Variants in SLC12A7 observed in about 807,000 individuals in gnomAD.
The protein encoded by SLC12A7 is K-Cl cotransporter 4.
A neutral mutation model predicts 120.6 loss-of-function variants in SLC12A7; 100 were observed. The ratio of observed to expected loss-of-function variants is 0.83; its 90% CI spans 0.71 to 0.98. The LOEUF (loss-of-function observed/expected upper bound fraction) is 0.98. Ranked by LOEUF, SLC12A7 falls within the 50% of genes least tolerant of loss-of-function variation. SLC12A7 has a pLI of 0.00. For synonymous variants in SLC12A7, 760 were observed against 678.0 expected, an observed-to-expected ratio of 1.12 and a Z score of -1.88; for missense variants, 1,373 against 1,548.1, an observed-to-expected ratio of 0.89 and a Z score of 1.90.
chr5:1,083,724 C>T (rs966284227), intron 8 of SLC12A7, 21 bp downstream of exon 8: 19 of 1,609,794 alleles, frequency 1.2e-5, no homozygotes, highest in Non-Finnish European at 1.4e-5. Flanking sequence ...CCAGCTCCAG[C>T]TGCAGCCCTG....
intron 1 of SLC12A7, among the ~76,000 whole-genome samples, chr5:1,107,156 T>A (rs1237266295): frequency 1.3e-5 from 2 of 152,226 alleles, no homozygotes; most frequent in Non-Finnish European, 2.9e-5. Flanking sequence ...CTTCCCCTAA[T>A]ACTCACGCTT....
chr5:1,081,123 C>T (rs1167201827), intron 9 of SLC12A7, among the ~76,000 whole-genome samples: 1 of 149,658 alleles, frequency 6.7e-6, no homozygotes, highest in East Asian at 2.0e-4. Context: ...GAAAGAGTGC[C>T]GGAGGAGAGA....
chr5:1,088,832 A>G (rs1317853874), intron 4 of SLC12A7, 150 bp downstream of exon 4: 3 of 973,198 alleles, frequency 3.1e-6, no homozygotes, highest in Non-Finnish European at 4.6e-6. Flanking sequence ...AACGACGTCT[A>G]CACGGGCGTC....
At chr5:1,141,692 C>G in the SLC12A7 span, among the ~76,000 whole-genome samples, 1 of 152,208 alleles carries the variant, frequency 6.6e-6, no homozygotes. Flanking sequence ...TCAGCCACAG[C>G]AGCTACAGCT....
In SLC12A7 at chr5:1,052,620, GGAGCA is replaced by G. The variant is rs4046186; in HGVS notation, c.3161-174_3161-170del. Among the ~76,000 whole-genome samples, 54,174 of 151,796 alleles carry G rather than the reference GGAGCA, an allele frequency of 0.36. 11,244 individuals are homozygous for G. Among genetic ancestry groups the G allele is most frequent in the East Asian group, 0.48 (2,455 of 5,108 alleles). On this transcript the variant is annotated intron_variant, in intron 23 of 23. Coordinates refer to ENST00000264930, the MANE Select transcript of SLC12A7 (RefSeq NM_006598.3). Reference sequence around the variant, plus strand: ...ATTAGAGAGACCCCCCAGGCGGGGAGGAGCAGGGCAGGGGAGAGAGGGGCCAGTGC... The same window carrying G: ...ATTAGAGAGACCCCCCAGGCGGGGAGGGGCAGGGGAGAGAGGGGCCAGTGC...
chr5:1,064,038 G>A (rs1736638572), intron 19 of SLC12A7, 45 bp downstream of exon 19: 2 of 1,601,536 alleles, frequency 1.2e-6, no homozygotes, highest in African/African-American at 1.3e-5. Flanking sequence ...CGCAGCACGT[G>A]GGGTGGCCGT....
rs1735068299 is a variant in SLC12A7, at chr5:1,051,816, G to T, written c.*544C>A. On this transcript the variant is annotated 3_prime_UTR_variant, in exon 24 of 24. Transcript: ENST00000264930. ...CGAGGGTGACACGGGCATGGACAGA[G>T]TCCTCCAGCTTCAGTGCCTTGAGGT... The T allele has an allele frequency of 6.5e-6, 1 of 153,714 alleles. No homozygotes were observed. The highest frequency in any genetic ancestry group is 2.0e-4 in the South Asian group (1 of 4,890). The allele number at this position is 153,714 out of a possible 1,614,324, so 9.5% of individuals were successfully genotyped here.
intron 4 of SLC12A7, among the ~76,000 whole-genome samples, chr5:1,088,683 C>G (rs936402483): frequency 3.3e-5 from 5 of 152,258 alleles, no homozygotes; most frequent in Non-Finnish European, 1.5e-5. Context: ...CCCATGACAC[C>G]CACCACTGGC....
chr5:1,058,184 T>C (rs1414786402), intron 21 of SLC12A7, among the ~76,000 whole-genome samples: 1 of 152,214 alleles, frequency 6.6e-6, no homozygotes, highest in Non-Finnish European at 1.5e-5. Flanking sequence ...GCCGGCCCCC[T>C]GTGCGTCACT....
At chr5:1,121,782 C>T in the SLC12A7 span, among the ~76,000 whole-genome samples, 17 of 152,288 alleles carry the variant, frequency 1.1e-4, no homozygotes, top group African/African-American at 1.7e-4. Context: ...GGGTCAGCCC[C>T]GGAGCCGCGC....
intron 17 of SLC12A7, among the ~76,000 whole-genome samples, chr5:1,066,497 C>T (rs767131339): frequency 6.6e-6 from 1 of 152,122 alleles, no homozygotes; most frequent in Non-Finnish European, 1.5e-5. Flanking sequence ...ATTTTAGGGC[C>T]GAGAGCTCAA....
rs952145911 is a variant in SLC12A7, at chr5:1,093,056, C to T, written c.342+477G>A. Among the ~76,000 whole-genome samples, 4 of 152,256 alleles carry T rather than the reference C, an allele frequency of 2.6e-5. No individual in the cohort carries two copies. In the East Asian group the frequency reaches 5.8e-4, roughly 22 times the overall value. On this transcript the variant is annotated intron_variant, in intron 3 of 23. Coordinates refer to ENST00000264930, the MANE Select transcript of SLC12A7 (RefSeq NM_006598.3). ...ACTGCACCCCCCTCGTTTCCTAGGACGGATTCCTGGAAACAAATCCTCAGG... is the reference window on the plus strand; with the variant it reads ...ACTGCACCCCCCTCGTTTCCTAGGATGGATTCCTGGAAACAAATCCTCAGG...
chr5:1,080,983 TACAGAGAGAGAG>T lies in SLC12A7; in HGVS notation c.1297+582_1297+593del, dbSNP rs200762451. ...TAAGCAGGGGCAGGAAGGAACACAC[TACAGAGAGAGAG>T]ACAGAGAGAGAGACAGACAGACAGA... On this transcript the variant is annotated intron_variant, in intron 9 of 23. Transcript: ENST00000264930. Among the ~76,000 whole-genome samples the T allele has an allele frequency of 3.9e-3, 499 of 127,184 alleles. 2 individuals carry two copies. The highest frequency in any genetic ancestry group is 0.03 in the South Asian group (122 of 4,078). The allele number at this position is 127,184 out of a possible 152,430, so 83.4% of individuals were successfully genotyped here. A position where few individuals can be genotyped will look rare whatever the true frequency, so the allele number is the denominator to read the frequency against.
chr5:1,104,929 G>A (rs538750622), intron 1 of SLC12A7, among the ~76,000 whole-genome samples: 190 of 151,462 alleles, frequency 1.3e-3, no homozygotes, highest in Non-Finnish European at 2.0e-3. Flanking sequence ...GCCCCTCCCC[G>A]CAGGGGTGAG....
At chr5:1,105,693 C>G (rs561090629) in intron 1 of SLC12A7, among the ~76,000 whole-genome samples, 77 of 152,350 alleles carry the variant, frequency 5.1e-4, no homozygotes, top group African/African-American at 1.8e-3. Context: ...AGGTATTAAC[C>G]CTTTGTGCTC....
chr5:1,108,227 T>C (rs1264113856), intron 1 of SLC12A7, among the ~76,000 whole-genome samples: 1 of 152,216 alleles, frequency 6.6e-6, no homozygotes, highest in Non-Finnish European at 1.5e-5. Context: ...GCACCATGCT[T>C]TACCGCATGC....
intron 5 of SLC12A7, among the ~76,000 whole-genome samples, chr5:1,087,280 G>A (rs1319106506): frequency 1.3e-5 from 2 of 152,148 alleles, no homozygotes; most frequent in Non-Finnish European, 2.9e-5. Context: ...GTGAGATCAG[G>A]GATAAGGCTC....
chr5:1,050,384 TCA>T lies in SLC12A7; in HGVS notation c.*1974_*1975del, dbSNP rs1196269534. 6.5e-6 allele frequency: 1 copy of T among 153,236 alleles called. No individual in the cohort carries two copies. Among genetic ancestry groups the T allele is most frequent in the African/African-American group, 2.4e-5 (1 of 41,484 alleles). The allele number at this position is 153,236 out of a possible 1,614,324, so 9.5% of individuals were successfully genotyped here. A position where few individuals can be genotyped will look rare whatever the true frequency, so the allele number is the denominator to read the frequency against. ...AGACTCAAGAGATTCTTCAACGTAC[TCA>T]GATTTCATAGGATTTTATTTTTCTA... On this transcript the variant is annotated 3_prime_UTR_variant, in exon 24 of 24. Coordinates refer to ENST00000264930, the MANE Select transcript of SLC12A7 (RefSeq NM_006598.3).
chr5:1,110,870 TGGGTC>T (rs1742945085), intron 1 of SLC12A7, among the ~76,000 whole-genome samples: 1 of 152,166 alleles, frequency 6.6e-6, no homozygotes, highest in Non-Finnish European at 1.5e-5. Context: ...GCCTTCACGG[TGGGTC>T]CCCACCCGTG....
Sources: gnomAD v4.1 joint callset for allele counts (sites outside exome capture counted in the v4.1 genomes callset) on GRCh38, gnomAD v4.1.1 for gene constraint, MANE v1.5 for transcripts, NCBI Gene and HGNC (gene_info 2026-07-23, HGNC 2026-07-21) for gene names.